TRPM4: variants seen among roughly 807,000 people sequenced by gnomAD.
TRPM4 encodes the protein transient receptor potential cation channel subfamily M member 4.
In TRPM4, 124 loss-of-function variants were observed where a neutral mutation model predicts 135.6. The observed-to-expected ratio is 0.91, with a 90% CI of 0.79 to 1.06. TRPM4 has a LOEUF of 1.06. Ranked by LOEUF, TRPM4 falls within the 50% of genes least tolerant of loss-of-function variation. The pLI is 0.00. For synonymous variants in TRPM4, 745 were observed against 705.6 expected, an observed-to-expected ratio of 1.06 and a Z score of -0.88; for missense variants, 1,658 against 1,671.4, an observed-to-expected ratio of 0.99 and a Z score of 0.14.
At chr19:49,203,309 A>G (rs1388046588) in intron 20 of TRPM4, among the ~76,000 whole-genome samples, 1 of 151,792 alleles carries the variant, frequency 6.6e-6, no homozygotes, top group Non-Finnish European at 1.5e-5. Context: ...CCTCCCAAGT[A>G]GCTAGGACTA....
In TRPM4 at chr19:49,188,944, A is replaced by T; in HGVS notation, c.1874-2A>T. 1.2e-6 allele frequency: 2 copies of T among 1,614,082 alleles called. No homozygotes were observed. ...GTCACATAACTAACTCCTCTGCCCC[A>T]GACCTCTTTGGCGAGTGCTATCGCA... On this transcript the variant is annotated splice_acceptor_variant, in intron 13 of 24. Transcript: ENST00000252826. LOFTEE classifies it high-confidence loss of function.
chr19:49,165,647 C>G (rs1237272019), intron 2 of TRPM4, among the ~76,000 whole-genome samples: 1 of 152,162 alleles, frequency 6.6e-6, no homozygotes, highest in African/African-American at 2.4e-5. Context: ...GCCGCGTCAG[C>G]CCCGAGCATG....
chr19:49,193,451 A>C (rs1264712786), intron 16 of TRPM4, among the ~76,000 whole-genome samples: 1 of 152,146 alleles, frequency 6.6e-6, no homozygotes, highest in East Asian at 1.9e-4. Context: ...TTGCAGGTGA[A>C]ATAATGGAGT....
In TRPM4 at chr19:49,164,364, GTTTTTTTTTTTTTTT is replaced by G. The variant is rs869232937; in HGVS notation, c.93-1657_93-1643del. Among the ~76,000 whole-genome samples the G allele has an allele frequency of 2.4e-3, 39 of 16,268 alleles. No homozygotes were observed. In the East Asian group the frequency reaches 0.046, roughly 19 times the overall value. 10.7% of individuals were successfully genotyped at this position (16,268 alleles called of 152,430 possible). On this transcript the variant is annotated intron_variant, in intron 2 of 24. Coordinates refer to ENST00000252826, the MANE Select transcript of TRPM4 (RefSeq NM_017636.4). ...CCTCCCTCCTTCCTTTCTTTCCTTA[GTTTTTTTTTTTTTTT>G]TTTTTTTTTTTTTTTTTTTGAGATG...
At chr19:49,179,506 T>G (rs1421192162) in intron 9 of TRPM4, among the ~76,000 whole-genome samples, 1 of 151,910 alleles carries the variant, frequency 6.6e-6, no homozygotes, top group African/African-American at 2.4e-5. Context: ...CATGCCACCA[T>G]GCCCAGCTAA....
intron 9 of TRPM4, among the ~76,000 whole-genome samples, chr19:49,177,194 G>T (rs1967728890): frequency 6.6e-6 from 1 of 152,126 alleles, no homozygotes; most frequent in South Asian, 2.1e-4. Context: ...GTTTGAGGGG[G>T]TGGTGTTGTA....
chr19:49,195,899 A>G (rs1310449593), intron 16 of TRPM4, among the ~76,000 whole-genome samples: 2 of 149,512 alleles, frequency 1.3e-5, no homozygotes, highest in Non-Finnish European at 3.0e-5. Flanking sequence ...TATTTTTGAG[A>G]CAGAGTCTCA....
At chr19:49,172,296 C>A (rs542705163) in intron 9 of TRPM4, among the ~76,000 whole-genome samples, 188 bp downstream of exon 9, 2 of 152,308 alleles carry the variant, frequency 1.3e-5, no homozygotes, top group South Asian at 4.1e-4. Flanking sequence ...TCATTATGTT[C>A]CAGCATCTGC....
At chr19:49,206,264 A>G (rs1213245258) in intron 20 of TRPM4, among the ~76,000 whole-genome samples, 1 of 152,068 alleles carries the variant, frequency 6.6e-6, no homozygotes, top group Non-Finnish European at 1.5e-5. Context: ...TAGCCCACAC[A>G]GTGTTGATTA....
rs1967458921 is a variant in TRPM4, at chr19:49,171,617, C to T, written c.898C>T (p.Leu300Phe). ...CACCCAGGCTCAGCTCCCATGTCTC[C>T]TCGTGGCTGGCTCAGGGGGAGCTGC... is the stretch of plus-strand genomic sequence containing the variant. ...NATQAQLPCL[L>F]VAGSGGAADC... Residue 300 changes from leucine (L) to phenylalanine (F), a missense_variant, in exon 8 of 25, where the codon CTC (leucine) becomes TTC (phenylalanine). Physicochemically the swap from Leu to Phe is conservative, Grantham distance 22. Transcript: ENST00000252826. The surrounding 1 kb of genome is among the most constrained non-coding windows in gnomAD (Gnocchi z 4.7). The T allele has an allele frequency of 1.2e-6, 2 of 1,613,968 alleles. No individual in the cohort carries two copies. The highest frequency in any genetic ancestry group is 1.1e-5 in the South Asian group (1 of 91,092).
intron 16 of TRPM4, 38 bp from the exon 17 acceptor site, chr19:49,196,402 G>T: frequency 6.7e-7 from 1 of 1,501,850 alleles, no homozygotes; most frequent in South Asian, 1.3e-5. Context: ...TCAGAGGTCA[G>T]AGTGAGGCCT....
At chr19:49,190,442 C>CAGAGAGTCCCA in intron 15 of TRPM4, 122 bp downstream of exon 15, 1 of 935,202 alleles carries the variant, frequency 1.1e-6, no homozygotes, top group Non-Finnish European at 1.7e-6. Context: ...AGGAATGGGA[C>CAGAGAGTCCCA]TCTCTGTCCC....
intron 16 of TRPM4, among the ~76,000 whole-genome samples, chr19:49,191,199 CTTTG>C (rs1263031692): frequency 1.3e-5 from 2 of 152,032 alleles, no homozygotes; most frequent in Non-Finnish European, 2.9e-5. Flanking sequence ...GATTACATTT[CTTTG>C]TTCTTTTTTT....
At chr19:49,201,590 G>A (rs1384711589) in intron 19 of TRPM4, among the ~76,000 whole-genome samples, 1 of 152,180 alleles carries the variant, frequency 6.6e-6, no homozygotes, top group Non-Finnish European at 1.5e-5. Flanking sequence ...GAAAGTCTTT[G>A]AAGAGGAACC....
intron 2 of TRPM4, among the ~76,000 whole-genome samples, chr19:49,164,536 G>C (rs960480960): frequency 6.7e-6 from 1 of 150,194 alleles, no homozygotes; most frequent in South Asian, 2.1e-4. Context: ...CCGCCACCAC[G>C]ACCAGCTAAT....
At chr19:49,174,756 A>C (rs1242902272) in intron 9 of TRPM4, among the ~76,000 whole-genome samples, 2 of 151,518 alleles carry the variant, frequency 1.3e-5, no homozygotes, top group Non-Finnish European at 2.9e-5. Flanking sequence ...AAAAAAAAAA[A>C]AAAAACCTAA....
rs758539676 is a variant in TRPM4 at position 49,189,023 on chromosome 19, G to A, written c.1951G>A (p.Asp651Asn). 7.4e-6 allele frequency: 12 copies of A among 1,614,174 alleles called. No homozygotes were observed. The Admixed American group carries it at 1.7e-4, about 22-fold the overall frequency. The change falls in exon 14 of 25, where the codon GAT (aspartate) becomes AAT (asparagine). Residue 651 changes from aspartate to asparagine, a missense_variant. Physicochemically the swap from Asp to Asn is conservative, Grantham distance 23. This residue lies in a region of TRPM4 where 1,412 missense variants were observed against 1,408.7 expected (regional missense o/e 1.00). Transcript: ENST00000252826. ...CCTCCGTCGCTGCCCGCTCTGGGGG[G>A]ATGCCACTTGCCTCCAGCTGGCCAT... ...LLLRRCPLWG[D>N]ATCLQLAMQA...
Position 49,211,581 on chromosome 19 carries a change from A to G in TRPM4, c.*83A>G. On this transcript the variant is annotated 3_prime_UTR_variant, in exon 25 of 25. Transcript: ENST00000252826. This position sits in a 1 kb window ranked among gnomAD's most constrained non-coding sequence, Gnocchi z 4.8. ...GGCTCATCTGGGCCTCGGCCCCCGC[A>G]CCTGGTGGCCTTGTCCTTGAGGTGA... 2 of 1,564,622 alleles carry G rather than the reference A, an allele frequency of 1.3e-6. No individual in the cohort carries two copies. The highest frequency in any genetic ancestry group is 1.8e-6 in the Non-Finnish European group (2 of 1,137,394).
At chr19:49,191,046 C>G (rs542346906) in intron 16 of TRPM4, among the ~76,000 whole-genome samples, 2 of 152,138 alleles carry the variant, frequency 1.3e-5, no homozygotes, top group South Asian at 4.2e-4. Flanking sequence ...ATGGCGAGAG[C>G]AGAAGCAGGA....
Sources: gnomAD v4.1 joint callset for allele counts (sites outside exome capture counted in the v4.1 genomes callset) on GRCh38, gnomAD v4.1.1 for gene constraint, gnomAD v4.1.1 regional missense constraint, Gnocchi (gnomAD v3.1) non-coding constraint, MANE v1.5 for transcripts, NCBI Gene and HGNC (gene_info 2026-07-23, HGNC 2026-07-21) for gene names.